The following XKR9 variants were observed in gnomAD, a reference collection of about 807,000 sequenced individuals.
The protein encoded by XKR9 is XK-related protein 9.
In XKR9, 32 loss-of-function variants were observed where a neutral mutation model predicts 32.0. That is an observed-to-expected ratio of 1.00 (90% CI 0.76 to 1.34). The LOEUF (loss-of-function observed/expected upper bound fraction) is 1.34. Among genes scored for constraint, XKR9 ranks in the 40% most tolerant of loss-of-function variants. The pLI is 0.00. For missense variants in XKR9, 546 were observed against 429.7 expected, an observed-to-expected ratio of 1.27 and a Z score of -2.39; for synonymous variants, 168 against 143.4, an observed-to-expected ratio of 1.17 and a Z score of -1.22.
the XKR9 span, among the ~76,000 whole-genome samples, chr8:70,916,179 G>A: frequency 2.0e-4 from 30 of 152,110 alleles, no homozygotes; most frequent in African/African-American, 6.5e-4. Flanking sequence ...CCTATTTCCC[G>A]CTACCCTATG....
At chr8:70,748,268 G>T (rs1424143521) in intron 2 of XKR9, among the ~76,000 whole-genome samples, 2 of 152,172 alleles carry the variant, frequency 1.3e-5, no homozygotes, top group Non-Finnish European at 2.9e-5. Flanking sequence ...CTGTGCTCCT[G>T]GGCGCAGATG....
At chr8:71,032,840 T>G in the XKR9 span, among the ~76,000 whole-genome samples, 1 of 152,166 alleles carries the variant, frequency 6.6e-6, no homozygotes, top group Admixed American at 6.5e-5. Context: ...ATCCCAGCAC[T>G]TTGGGAGGCC....
intron 2 of XKR9, among the ~76,000 whole-genome samples, chr8:70,778,933 C>G (rs547597842): frequency 6.6e-5 from 10 of 152,048 alleles, no homozygotes; most frequent in Non-Finnish European, 1.2e-4. Context: ...AATGGAATAC[C>G]CTTTATTTCT....
At chr8:70,752,304 G>T (rs76648959) in intron 2 of XKR9, among the ~76,000 whole-genome samples, 10 of 152,138 alleles carry the variant, frequency 6.6e-5, no homozygotes, top group African/African-American at 2.2e-4. Flanking sequence ...CTGAATACCC[G>T]AGTCTTGGTA....
the XKR9 span, among the ~76,000 whole-genome samples, chr8:70,975,638 A>G: frequency 6.6e-6 from 1 of 152,204 alleles, no homozygotes; most frequent in East Asian, 1.9e-4. Flanking sequence ...TGTTTTGATT[A>G]CTGTAGCCTT....
At chr8:70,773,733 CA>C (rs1437882760) in intron 2 of XKR9, among the ~76,000 whole-genome samples, 1 of 152,088 alleles carries the variant, frequency 6.6e-6, no homozygotes, top group African/African-American at 2.4e-5. Flanking sequence ...AATGAATCAA[CA>C]AAATGAGTGT....
the XKR9 span, among the ~76,000 whole-genome samples, chr8:70,951,845 A>G: frequency 6.6e-6 from 1 of 151,044 alleles, no homozygotes; most frequent in Non-Finnish European, 1.5e-5. Flanking sequence ...CGGCTCCACT[A>G]CAGGGGTCTC....
chr8:70,789,977 C>T (rs1807743227), intron 3 of XKR9: 1 of 151,878 alleles, frequency 6.6e-6, no homozygotes, highest in South Asian at 2.1e-4. Flanking sequence ...CACATGAGCG[C>T]TCTAGTCTCC....
At chr8:70,705,685 G>A (rs148876876) in intron 3 of XKR9, among the ~76,000 whole-genome samples, 4 of 152,190 alleles carry the variant, frequency 2.6e-5, no homozygotes, top group Admixed American at 6.5e-5. Flanking sequence ...TAAGGACTTC[G>A]GATTTCGTTC....
chr8:70,987,935 G>A, the XKR9 span, among the ~76,000 whole-genome samples: 1 of 152,174 alleles, frequency 6.6e-6, no homozygotes, highest in Non-Finnish European at 1.5e-5. Context: ...ACACCACATG[G>A]AAGCTGCCAA....
chr8:70,933,674 A>G, the XKR9 span, among the ~76,000 whole-genome samples: 3 of 152,032 alleles, frequency 2.0e-5, no homozygotes, highest in Admixed American at 6.6e-5. Flanking sequence ...AAAAATGAAG[A>G]TTCCTATGCC....
At chr8:70,787,919 A>T (rs966962720) in intron 2 of XKR9, among the ~76,000 whole-genome samples, 4 of 152,098 alleles carry the variant, frequency 2.6e-5, no homozygotes, top group African/African-American at 9.7e-5. Context: ...AAATAAGCAA[A>T]TAAAAAAAAA....
At chr8:70,926,672 G>A in the XKR9 span, among the ~76,000 whole-genome samples, 1 of 152,164 alleles carries the variant, frequency 6.6e-6, no homozygotes, top group East Asian at 1.9e-4. Context: ...GACAAAATAT[G>A]CACAGGTCAC....
At chr8:70,878,451 T>C in the XKR9 span, among the ~76,000 whole-genome samples, 1 of 150,928 alleles carries the variant, frequency 6.6e-6, no homozygotes, top group Non-Finnish European at 1.5e-5. Context: ...AATAAAGGGG[T>C]GGAGGAAGAT....
At chr8:70,775,709 A>G (rs1414917882) in intron 2 of XKR9, among the ~76,000 whole-genome samples, 1 of 151,904 alleles carries the variant, frequency 6.6e-6, no homozygotes, top group Non-Finnish European at 1.5e-5. Flanking sequence ...CACTTTTATT[A>G]AAGATTTTTG....
intron 2 of XKR9, among the ~76,000 whole-genome samples, chr8:70,743,260 T>C (rs1807013831): frequency 6.6e-6 from 1 of 152,146 alleles, no homozygotes; most frequent in Admixed American, 6.5e-5. Flanking sequence ...TGGTTTCTAT[T>C]TCTTTGCTAA....
At chr8:71,043,489 C>T in the XKR9 span, among the ~76,000 whole-genome samples, 1,253 of 152,280 alleles carry the variant, frequency 8.2e-3, 14 homozygotes, top group African/African-American at 0.029. Context: ...CTAGGTCAGC[C>T]TTGCAAAATC....
chr8:70,984,471 G>A, the XKR9 span, among the ~76,000 whole-genome samples: 1 of 152,130 alleles, frequency 6.6e-6, no homozygotes, highest in Admixed American at 6.5e-5. Context: ...GTCCCAAGTT[G>A]TTCTGGGAAA....
chr8:70,808,047 C>T, the XKR9 span, among the ~76,000 whole-genome samples: 7 of 152,058 alleles, frequency 4.6e-5, no homozygotes, highest in East Asian at 1.3e-3. Flanking sequence ...AAAAAAACCT[C>T]TAAAATCATA....
Sources: gnomAD v4.1 joint callset for allele counts (sites outside exome capture counted in the v4.1 genomes callset) on GRCh38, gnomAD v4.1.1 for gene constraint, MANE v1.5 for transcripts, NCBI Gene and HGNC (gene_info 2026-07-23, HGNC 2026-07-21) for gene names.